The following RNF213 variants were observed in gnomAD, a reference collection of about 807,000 sequenced individuals.
RNF213 encodes E3 ubiquitin-protein ligase RNF213.
Under a neutral mutation model 514.4 loss-of-function variants are expected in RNF213, and 341 were observed. That is an observed-to-expected ratio of 0.66 (90% CI 0.61 to 0.73). The LOEUF is 0.73. RNF213 is among the 30% of genes least tolerant of loss of function. RNF213 has a pLI of 0.00. For synonymous variants in RNF213, 2,655 were observed against 2,658.2 expected, an observed-to-expected ratio of 1.00 and a Z score of 0.04; for missense variants, 5,767 against 6,615.6, an observed-to-expected ratio of 0.87 and a Z score of 4.45.
chr17:80,374,004 C>CAAAA (rs397968636), intron 49 of RNF213, among the ~76,000 whole-genome samples: 2 of 96,172 alleles, frequency 2.1e-5, no homozygotes, highest in Non-Finnish European at 4.1e-5. Flanking sequence ...GACTCCGTCT[C>CAAAA]AAAAAAAAAA....
At chr17:80,296,839 T>C (rs1427019456) in intron 10 of RNF213, among the ~76,000 whole-genome samples, 1 of 151,952 alleles carries the variant, frequency 6.6e-6, no homozygotes, top group East Asian at 2.0e-4. Context: ...ACACCACCAC[T>C]TCCAGCTAAT....
chr17:80,298,155 G>T (rs370104316), intron 10 of RNF213, among the ~76,000 whole-genome samples, 166 bp from the exon 11 acceptor site: 2 of 152,158 alleles, frequency 1.3e-5, no homozygotes, highest in African/African-American at 2.4e-5. Flanking sequence ...TAGGCTGGGG[G>T]CTGAGGGAAG....
At chr17:80,314,100 C>A (rs868501193) in intron 15 of RNF213, among the ~76,000 whole-genome samples, 79 of 57,420 alleles carry the variant, frequency 1.4e-3, no homozygotes, top group African/African-American at 7.2e-3. Context: ...GGTGGAGGTA[C>A]TGGAGGTGAT....
chr17:80,381,723 C>A lies in RNF213; in HGVS notation c.13974C>A (p.Ser4658Arg). ...TCCAAGAGCAGCACCAGCTCTCTAG[C>A]AGAAGTGAGGAAAGGGGCAAGGGCT... is the stretch of plus-strand genomic sequence containing the variant. ...RLLQEQHQLS[S>R]RRLLNFDTEL... Residue 4658 changes from serine to arginine, a missense_variant, in exon 57 of 68, where the codon AGC becomes AGA. Physicochemically the swap from Ser to Arg is moderately radical, Grantham distance 110. Around this residue, in one of 13 missense-constraint regions of RNF213, gnomAD observed 1,245 missense variants for 1,339.0 expected, o/e 0.93. Coordinates refer to ENST00000582970, the MANE Select transcript of RNF213 (RefSeq NM_001256071.3). 1 of 1,613,180 alleles carries A rather than the reference C, an allele frequency of 6.2e-7. No homozygotes were observed.
chr17:80,304,876 C>T (rs954647590), intron 11 of RNF213, among the ~76,000 whole-genome samples: 2 of 152,124 alleles, frequency 1.3e-5, no homozygotes, highest in Non-Finnish European at 2.9e-5. Flanking sequence ...CCTCCACACT[C>T]CCCCTCCTCC....
In RNF213 at chr17:80,339,758, C is replaced by T. The variant is rs1186800026; in HGVS notation, c.5391C>T (p.Leu1797=). 1.9e-5 allele frequency: 29 copies of T among 1,536,894 alleles called. No homozygotes were observed. The highest frequency in any genetic ancestry group is 1.4e-4 in the South Asian group (12 of 84,052). Residue 1797 remains leucine, a synonymous_variant, in exon 26 of 68, where the codon CTC becomes CTT. Coordinates refer to ENST00000582970, the MANE Select transcript of RNF213 (RefSeq NM_001256071.3). Reference sequence around the variant, plus strand: ...TTCCTGCCTTCCTGCCCGACTGCCTCGACCTAGAGACCCTTGGCCACTGTC... The same window carrying T: ...TTCCTGCCTTCCTGCCCGACTGCCTTGACCTAGAGACCCTTGGCCACTGTC... ...RCLPAFLPDC[L]DLETLGHCLA...
At chr17:80,318,147 ACTACCAAGT>A (rs924424592) in intron 16 of RNF213, among the ~76,000 whole-genome samples, 1 of 152,110 alleles carries the variant, frequency 6.6e-6, no homozygotes, top group African/African-American at 2.4e-5. Context: ...CTTCTCTCTC[ACTACCAAGT>A]CTGGGGTCTT....
intron 50 of RNF213, among the ~76,000 whole-genome samples, chr17:80,375,542 G>GAA (rs58313556): frequency 1.0e-4 from 15 of 146,500 alleles, no homozygotes; most frequent in Non-Finnish European, 1.5e-4. Context: ...TCTACTAAAA[G>GAA]AAAAAAAAAA....
chr17:80,334,818 G>T (rs1313192224), intron 22 of RNF213, among the ~76,000 whole-genome samples: 1 of 151,812 alleles, frequency 6.6e-6, no homozygotes, highest in Non-Finnish European at 1.5e-5. Context: ...AGTAGAGACG[G>T]GGTTTCACTG....
chr17:80,351,724 T>C lies in RNF213; in HGVS notation c.10224T>C (p.Asn3408=), dbSNP rs1568115019. The change falls in exon 32 of 68, where the codon AAT becomes AAC. Residue 3408 remains asparagine (N), a synonymous_variant. Transcript: ENST00000582970. ...VINEINKIRE[N]EDRIFVYFIT... ...ATGAAATCAACAAAATACGAGAAAA[T>C]GAGGACCGTATCTTCGTCTATTTCA... The C allele has an allele frequency of 1.2e-6, 2 of 1,611,412 alleles. No individual in the cohort carries two copies. Among genetic ancestry groups the C allele is most frequent in the East Asian group, 2.2e-5 (1 of 44,898 alleles).
Position 80,313,720 on chromosome 17 carries a change from T to A in RNF213, c.2811+553T>A, listed in dbSNP as rs559835847. ...AAGGGGATGGTGGTGATGGAGGTGG[T>A]GGTGGTGGAGGTGACAATGGTGATG... is the stretch of plus-strand genomic sequence containing the variant. On this transcript the variant is annotated intron_variant, in intron 15 of 67. Transcript: ENST00000582970. Among the ~76,000 whole-genome samples the A allele has an allele frequency of 9.2e-4, 132 of 143,260 alleles. 1 individual carries two copies. Among genetic ancestry groups the A allele is most frequent in the Non-Finnish European group, 1.7e-3 (109 of 65,448 alleles). The allele number at this position is 143,260 out of a possible 152,430, so 94.0% of individuals were successfully genotyped here. A position where few individuals can be genotyped will look rare whatever the true frequency, so the allele number is the denominator to read the frequency against.
chr17:80,344,260 G>A (rs2078243020), intron 28 of RNF213, among the ~76,000 whole-genome samples: 1 of 152,206 alleles, frequency 6.6e-6, no homozygotes, highest in Non-Finnish European at 1.5e-5. Context: ...GCTTCATGCT[G>A]TATGCCCAGT....
intron 11 of RNF213, among the ~76,000 whole-genome samples, chr17:80,300,682 T>C (rs1342375997): frequency 6.6e-6 from 1 of 152,010 alleles, no homozygotes; most frequent in Non-Finnish European, 1.5e-5. Context: ...GTCTTCTGGG[T>C]AGCTGGGACC....
At chr17:80,364,745 C>G in intron 42 of RNF213, 192 bp downstream of exon 42, 1 of 637,792 alleles carries the variant, frequency 1.6e-6, no homozygotes, top group South Asian at 1.8e-5. Context: ...TATTTACCCT[C>G]TGCTGATTGC....
chr17:80,378,548 C>G (rs1464435976), intron 54 of RNF213, among the ~76,000 whole-genome samples: 3 of 152,190 alleles, frequency 2.0e-5, no homozygotes, highest in African/African-American at 7.2e-5. Flanking sequence ...CATTGAACTC[C>G]TGGGCTCAAG....
chr17:80,299,009 C>G (rs2045073629), intron 11 of RNF213, among the ~76,000 whole-genome samples: 1 of 152,054 alleles, frequency 6.6e-6, no homozygotes, highest in African/African-American at 2.4e-5. Context: ...ATCAAGAATA[C>G]AGAAACAACT....
Position 80,393,740 on chromosome 17 carries a change from GA to G in RNF213, c.*243del. On this transcript the variant is annotated 3_prime_UTR_variant, in exon 68 of 68. Coordinates refer to ENST00000582970, the MANE Select transcript of RNF213 (RefSeq NM_001256071.3). ...CATCATTTTATGAGTACTGTTCATT[GA>G]GAGATGACAATGAAGATTAGATGAA... 1 of 497,698 alleles carries G rather than the reference GA, an allele frequency of 2.0e-6. No homozygotes were observed. The highest frequency in any genetic ancestry group is 3.6e-5 in the East Asian group (1 of 27,422). 30.8% of individuals were successfully genotyped at this position (497,698 alleles called of 1,614,324 possible).
At chr17:80,285,382 C>G (rs2044434433) in intron 3 of RNF213, among the ~76,000 whole-genome samples, 1 of 152,212 alleles carries the variant, frequency 6.6e-6, no homozygotes, top group Admixed American at 6.5e-5. Context: ...CCCGGAGGTA[C>G]CAGGCAGCTG....
intron 2 of RNF213, among the ~76,000 whole-genome samples, chr17:80,272,328 G>A (rs890118603): frequency 1.3e-5 from 2 of 152,154 alleles, no homozygotes; most frequent in African/African-American, 4.8e-5. Context: ...AGAAAAAAGA[G>A]GTTTATTTAG....
Sources: allele counts gnomAD v4.1 joint callset (sites outside exome capture counted in the v4.1 genomes callset), GRCh38; gene constraint gnomAD v4.1.1; regional missense constraint gnomAD v4.1.1; transcripts MANE v1.5; gene names NCBI Gene and HGNC (gene_info 2026-07-23, HGNC 2026-07-21).